C1QTNF3: variants seen among roughly 807,000 people sequenced by gnomAD.
The protein encoded by C1QTNF3 is C1q and TNF related 3, also known as complement C1q tumor necrosis factor-related protein 3.
C1QTNF3 carries 26 observed loss-of-function variants against 32.6 expected under a neutral mutation model. The observed-to-expected ratio is 0.80, with a 90% confidence interval of 0.58 to 1.11. C1QTNF3 has a LOEUF of 1.11. Ranked by LOEUF, C1QTNF3 falls within the 50% of genes least tolerant of loss-of-function variation. The pLI is 0.00. For missense variants in C1QTNF3, 362 were observed against 398.2 expected, an observed-to-expected ratio of 0.91 and a Z score of 0.77; for synonymous variants, 155 against 146.0, an observed-to-expected ratio of 1.06 and a Z score of -0.44.
chr5:34,225,483 A>G, the C1QTNF3 span, among the ~76,000 whole-genome samples: 2 of 151,992 alleles, frequency 1.3e-5, no homozygotes, highest in Admixed American at 6.6e-5. Context: ...TGTTTATAAT[A>G]TGTATTTTAA....
chr5:34,160,607 C>A, the C1QTNF3 span, among the ~76,000 whole-genome samples: 1 of 152,102 alleles, frequency 6.6e-6, no homozygotes, highest in South Asian at 2.1e-4. Context: ...GTCAGACAGA[C>A]CAGATTGCAA....
At chr5:34,220,516 ACAC>A in the C1QTNF3 span, among the ~76,000 whole-genome samples, 1 of 149,328 alleles carries the variant, frequency 6.7e-6, no homozygotes, top group Non-Finnish European at 1.5e-5. Context: ...ACACACACAC[ACAC>A]CACACACGCA....
chr5:34,085,554 T>C, the C1QTNF3 span, among the ~76,000 whole-genome samples: 8 of 151,664 alleles, frequency 5.3e-5, no homozygotes, highest in Non-Finnish European at 1.0e-4. Context: ...TTTTGGTTAC[T>C]GTAGACTTGT....
At chr5:34,122,706 G>T in the C1QTNF3 span, among the ~76,000 whole-genome samples, 1 of 152,040 alleles carries the variant, frequency 6.6e-6, no homozygotes, top group Admixed American at 6.6e-5. Flanking sequence ...ACAAGTGTGG[G>T]CCAACCAACT....
the C1QTNF3 span, among the ~76,000 whole-genome samples, chr5:34,219,566 G>T: frequency 2.0e-5 from 3 of 151,374 alleles, no homozygotes; most frequent in African/African-American, 7.3e-5. Context: ...ATAGAATATT[G>T]TGATGGAAAA....
intron 1 of C1QTNF3, among the ~76,000 whole-genome samples, 171 bp downstream of exon 1, chr5:34,042,652 C>T (rs16892218): frequency 0.19 from 28,758 of 152,100 alleles, 2,928 homozygotes; most frequent in East Asian, 0.39. Context: ...GACCGACAGT[C>T]TCTCTTGTAC....
the C1QTNF3 span, among the ~76,000 whole-genome samples, chr5:34,068,545 GGA>G: frequency 6.0e-5 from 9 of 149,076 alleles, no homozygotes; most frequent in South Asian, 2.2e-4. Context: ...AGAGAGAGAG[GGA>G]GAGAGAGAGA....
At chr5:34,123,470 A>G in the C1QTNF3 span, among the ~76,000 whole-genome samples, 1 of 152,100 alleles carries the variant, frequency 6.6e-6, no homozygotes, top group Admixed American at 6.6e-5. Flanking sequence ...AATTGAGGTC[A>G]CAGGAATAGA....
rs1579605905 is a variant in C1QTNF3, at chr5:34,033,524, C to T, written c.416-66G>A. On this transcript the variant is annotated intron_variant, in intron 2 of 5. Transcript: ENST00000382065. ...CTCATACTTACCATCCATTTCTAGACATACTATCCAAACTCAATTATGAAA... is the reference window on the plus strand; with the variant it reads ...CTCATACTTACCATCCATTTCTAGATATACTATCCAAACTCAATTATGAAA... 1.6e-5 allele frequency: 25 copies of T among 1,594,228 alleles called. No individual in the cohort carries two copies. The East Asian group carries it at 5.4e-4, about 34-fold the overall frequency.
chr5:34,230,621 T>A, the C1QTNF3 span, among the ~76,000 whole-genome samples: 11 of 152,210 alleles, frequency 7.2e-5, no homozygotes, highest in Non-Finnish European at 1.3e-4. Context: ...TTAAAATTAT[T>A]CAGCTTTACA....
chr5:34,057,735 G>A, the C1QTNF3 span, among the ~76,000 whole-genome samples: 1 of 152,198 alleles, frequency 6.6e-6, no homozygotes, highest in African/African-American at 2.4e-5. Context: ...CGGCATTGAG[G>A]AAGGCTGGAA....
At chr5:34,196,245 C>G in the C1QTNF3 span, among the ~76,000 whole-genome samples, 1 of 152,430 alleles carries the variant, frequency 6.6e-6, no homozygotes, top group African/African-American at 2.4e-5. Context: ...CTCCCAGGTT[C>G]AAGCAATTCT....
chr5:34,085,735 T>C, the C1QTNF3 span, among the ~76,000 whole-genome samples: 1 of 151,690 alleles, frequency 6.6e-6, no homozygotes, highest in East Asian at 1.9e-4. Context: ...AAAACCACAA[T>C]GAGATACCAT....
chr5:34,160,101 G>C, the C1QTNF3 span, among the ~76,000 whole-genome samples: 1 of 152,174 alleles, frequency 6.6e-6, no homozygotes, highest in African/African-American at 2.4e-5. Context: ...CATCAGACTT[G>C]TGTTTATTAT....
chr5:34,243,391 G>C, the C1QTNF3 span, among the ~76,000 whole-genome samples: 1 of 152,178 alleles, frequency 6.6e-6, no homozygotes, highest in African/African-American at 2.4e-5. Flanking sequence ...AGGTACTGTG[G>C]AAAGTATTTT....
At chr5:34,103,286 T>A in the C1QTNF3 span, among the ~76,000 whole-genome samples, 11 of 152,136 alleles carry the variant, frequency 7.2e-5, no homozygotes, top group African/African-American at 2.7e-4. Context: ...GTGTGTGTTT[T>A]TTTTTATTTT....
chr5:34,026,498 A>G (rs1360129996), intron 4 of C1QTNF3, among the ~76,000 whole-genome samples: 1 of 151,978 alleles, frequency 6.6e-6, no homozygotes, highest in African/African-American at 2.4e-5. Flanking sequence ...AGAAAGAAAA[A>G]AAAAGTCTCC....
At chr5:34,052,761 C>A in the C1QTNF3 span, among the ~76,000 whole-genome samples, 1 of 152,090 alleles carries the variant, frequency 6.6e-6, no homozygotes, top group Non-Finnish European at 1.5e-5. Context: ...GAGAAGGGGG[C>A]AGAGTTAAAG....
At chr5:34,134,830 G>A in the C1QTNF3 span, among the ~76,000 whole-genome samples, 5 of 152,154 alleles carry the variant, frequency 3.3e-5, no homozygotes, top group Non-Finnish European at 7.4e-5. Context: ...GGGTGGAGAC[G>A]ATGAGGTTTT....
Sources: allele counts gnomAD v4.1 joint callset (sites outside exome capture counted in the v4.1 genomes callset), GRCh38; gene constraint gnomAD v4.1.1; transcripts MANE v1.5; gene names NCBI Gene and HGNC (gene_info 2026-07-23, HGNC 2026-07-21).